The following PIEZO2 variants were observed in gnomAD, a reference collection of about 807,000 sequenced individuals.
PIEZO2 encodes piezo type mechanosensitive ion channel component 2.
Under a neutral mutation model 337.3 loss-of-function variants are expected in PIEZO2, and 172 were observed. That is an observed-to-expected ratio of 0.51 (90% confidence interval 0.45 to 0.58). The LOEUF (loss-of-function observed/expected upper bound fraction) is 0.58. Ranked by LOEUF, PIEZO2 falls within the 20% of genes least tolerant of loss-of-function variation. The pLI is 0.00. For missense variants in PIEZO2, 3,028 were observed against 3,391.3 expected, an observed-to-expected ratio of 0.89 and a Z score of 2.66; for synonymous variants, 1,251 against 1,228.5, an observed-to-expected ratio of 1.02 and a Z score of -0.38.
chr18:11,137,609 A>C (rs1176966654), intron 1 of PIEZO2, among the ~76,000 whole-genome samples: 1 of 152,106 alleles, frequency 6.6e-6, no homozygotes, highest in Admixed American at 6.5e-5. Flanking sequence ...GTTCCCTAGC[A>C]GGGGTCCGTG....
intron 44 of PIEZO2, 44 bp downstream of exon 44, chr18:10,698,881 C>T: frequency 6.5e-7 from 1 of 1,531,724 alleles, no homozygotes; most frequent in East Asian, 2.4e-5. Flanking sequence ...AACAAGGCCA[C>T]CTGGGAGCTA....
intron 5 of PIEZO2, among the ~76,000 whole-genome samples, chr18:10,865,239 G>T (rs2041974947): frequency 6.6e-6 from 1 of 152,172 alleles, no homozygotes; most frequent in Non-Finnish European, 1.5e-5. Flanking sequence ...TTTATTCTAG[G>T]TTAATGGGAA....
rs776951650 is a variant in PIEZO2 at position 10,704,445 on chromosome 18, G to C, written c.6207C>G (p.Ser2069=). The change falls in exon 42 of 56, where the codon TCC becomes TCG. Residue 2069 remains serine, a synonymous_variant. Transcript: ENST00000674853. ...PILIFLWAML[S]VPRPSRRFWM... ...AGAACCGGCGGCTGGGCCTGGGGAC[G>C]GACAACATGGCCCAGAGGAAGATGA... 3 of 1,537,086 alleles carry C rather than the reference G, an allele frequency of 2.0e-6. No homozygotes were observed. Among genetic ancestry groups the C allele is most frequent in the Admixed American group, 2.0e-5 (1 of 50,976 alleles).
rs534448540 is a variant in PIEZO2, at chr18:11,105,124, A to G, written c.65-38902T>C. On this transcript the variant is annotated intron_variant, in intron 1 of 55. Coordinates refer to ENST00000674853, the MANE Select transcript of PIEZO2 (RefSeq NM_001378183.1). This position sits in a 1 kb window ranked among gnomAD's most constrained non-coding sequence, Gnocchi z 4.3. ...AGAAAACATAGCCAAGAAATGGAGAAGGGGAGTGAGGTTTGGGTCCCAGGC... is the reference window on the plus strand; with the variant it reads ...AGAAAACATAGCCAAGAAATGGAGAGGGGGAGTGAGGTTTGGGTCCCAGGC... Among the ~76,000 whole-genome samples the G allele has an allele frequency of 6.6e-6, 1 of 152,342 alleles. No individual in the cohort carries two copies. Among genetic ancestry groups the G allele is most frequent in the Non-Finnish European group, 1.5e-5 (1 of 68,026 alleles).
At chr18:10,790,944 T>A (rs1296348117) in intron 14 of PIEZO2, among the ~76,000 whole-genome samples, 1 of 152,178 alleles carries the variant, frequency 6.6e-6, no homozygotes, top group African/African-American at 2.4e-5. Flanking sequence ...GACCTCGGGA[T>A]CCGCCCACCT....
chr18:10,884,091 G>A (rs919879898), intron 4 of PIEZO2, among the ~76,000 whole-genome samples: 7 of 152,134 alleles, frequency 4.6e-5, no homozygotes, highest in South Asian at 2.1e-4. Context: ...GATTACAGGC[G>A]TAAGCCACCG....
intron 4 of PIEZO2, among the ~76,000 whole-genome samples, chr18:10,891,530 G>A (rs2042755858): frequency 6.6e-6 from 1 of 152,160 alleles, no homozygotes; most frequent in Non-Finnish European, 1.5e-5. Flanking sequence ...ACCGCTTGAT[G>A]CAGACACTAG....
chr18:10,793,646 G>A (rs2039485061), intron 13 of PIEZO2, among the ~76,000 whole-genome samples: 1 of 152,154 alleles, frequency 6.6e-6, no homozygotes, highest in African/African-American at 2.4e-5. Flanking sequence ...ATGTGTGTGT[G>A]GGTCTGTGTT....
At chr18:11,068,574 C>T (rs1430498414) in intron 1 of PIEZO2, among the ~76,000 whole-genome samples, 1 of 151,202 alleles carries the variant, frequency 6.6e-6, no homozygotes, top group South Asian at 2.1e-4. Context: ...TAAATGCTTA[C>T]ATAAAAAAAA....
Position 11,066,137 on chromosome 18 carries a change from C to A in PIEZO2, c.150G>T (p.Thr50=). 1.3e-6 allele frequency: 2 copies of A among 1,532,860 alleles called. No individual in the cohort carries two copies. The highest frequency in any genetic ancestry group is 2.4e-5 in the South Asian group (2 of 83,932). 95.0% of individuals were successfully genotyped at this position (1,532,860 alleles called of 1,614,324 possible). A position where few individuals can be genotyped will look rare whatever the true frequency, so the allele number is the denominator to read the frequency against. Residue 50 remains threonine (T), a synonymous_variant, in exon 2 of 56, where the codon ACG becomes ACT. Coordinates refer to ENST00000674853, the MANE Select transcript of PIEZO2 (RefSeq NM_001378183.1). ...ACAAAATTCTCTTACCTTGCATCGT[C>A]GTTTTTGTTGGTTCTGAGAACAGAG... is the stretch of plus-strand genomic sequence containing the variant. The part of the protein sequence containing the change: ...LIPLFSEPTK[T]TMQGHTGRLL...
chr18:11,000,531 C>A (rs1276115496), intron 2 of PIEZO2, among the ~76,000 whole-genome samples: 1 of 152,146 alleles, frequency 6.6e-6, no homozygotes, highest in Non-Finnish European at 1.5e-5. Context: ...AGGACAGGGA[C>A]CTGCCAGCAT....
At chr18:10,711,495 A>G (rs897145080) in intron 39 of PIEZO2, among the ~76,000 whole-genome samples, 1 of 152,158 alleles carries the variant, frequency 6.6e-6, no homozygotes, top group African/African-American at 2.4e-5. Context: ...GCTTCATGAA[A>G]TTTCAAAAGA....
chr18:10,958,756 A>G (rs114066507), intron 3 of PIEZO2, among the ~76,000 whole-genome samples: 1,846 of 152,278 alleles, frequency 0.012, 41 homozygotes, highest in African/African-American at 0.042. Flanking sequence ...AAATGCATTC[A>G]TGTACTTCGG....
intron 2 of PIEZO2, among the ~76,000 whole-genome samples, chr18:11,039,257 C>T (rs1201941804): frequency 1.3e-5 from 2 of 152,206 alleles, no homozygotes; most frequent in East Asian, 1.9e-4. Flanking sequence ...CAGAAGATAA[C>T]ACACATGCAT....
chr18:10,907,164 T>C (rs940262207), intron 4 of PIEZO2, among the ~76,000 whole-genome samples: 3 of 152,164 alleles, frequency 2.0e-5, no homozygotes, highest in Middle Eastern at 3.2e-3. Flanking sequence ...AAAGATGGTC[T>C]GAGCATGGTG....
rs2038997472 is a variant in PIEZO2 at position 10,781,930 on chromosome 18, TC to T, written c.2493-1565del. The stretch of plus-strand genomic sequence containing the variant: ...AGAGAAAGCAAAGCCTGACAGTCAA[TC>T]CTAACTCTCAAAATATTCCTTTTTC... On this transcript the variant is annotated intron_variant, in intron 17 of 55. Coordinates refer to ENST00000674853, the MANE Select transcript of PIEZO2 (RefSeq NM_001378183.1). This position sits in a 1 kb window ranked among gnomAD's most constrained non-coding sequence, Gnocchi z 4.1. Among the ~76,000 whole-genome samples, 3 of 152,090 alleles carry T rather than the reference TC, an allele frequency of 2.0e-5. No individual in the cohort carries two copies. The East Asian group carries it at 5.8e-4, about 29-fold the overall frequency.
rs1214390989 is a variant in PIEZO2 at position 11,083,761 on chromosome 18, G to A, written c.65-17539C>T. On this transcript the variant is annotated intron_variant, in intron 1 of 55. Coordinates refer to ENST00000674853, the MANE Select transcript of PIEZO2 (RefSeq NM_001378183.1). The surrounding 1 kb of genome is among the most constrained non-coding windows in gnomAD (Gnocchi z 4.4). The stretch of plus-strand genomic sequence containing the variant: ...ATCGGTAGGCTCTCCGAGGCTAGAG[G>A]CACAACTAAGGTTCAAGGAACAGGA... 6.6e-6 allele frequency among the ~76,000 whole-genome samples: 1 copy of A among 152,224 alleles called. No individual in the cohort carries two copies. Among genetic ancestry groups the A allele is most frequent in the Non-Finnish European group, 1.5e-5 (1 of 68,048 alleles).
In PIEZO2 at chr18:10,794,710, G is replaced by A. The variant is rs1389270949; in HGVS notation, c.1758+62C>T. The A allele has an allele frequency of 1.2e-5, 15 of 1,231,054 alleles. No individual in the cohort carries two copies. Among genetic ancestry groups the A allele is most frequent in the Non-Finnish European group, 1.2e-5 (11 of 901,734 alleles). 76.3% of individuals were successfully genotyped at this position (1,231,054 alleles called of 1,614,324 possible). A position where few individuals can be genotyped will look rare whatever the true frequency, so the allele number is the denominator to read the frequency against. On this transcript the variant is annotated intron_variant, in intron 13 of 55. Coordinates refer to ENST00000674853, the MANE Select transcript of PIEZO2 (RefSeq NM_001378183.1). This position sits in a 1 kb window ranked among gnomAD's most constrained non-coding sequence, Gnocchi z 6.6. ...TTTTTATAAGGTTTCTCTTGGATAC[G>A]ATTATGATGATGATTGTGGTTTTGT... is the stretch of plus-strand genomic sequence containing the variant.
intron 3 of PIEZO2, among the ~76,000 whole-genome samples, chr18:10,947,511 A>G (rs573491035): frequency 3.1e-4 from 47 of 152,372 alleles, no homozygotes; most frequent in Non-Finnish European, 6.3e-4. Context: ...TGAAGGCCAA[A>G]AACTACTTTC....
Sources: gnomAD v4.1 joint callset for allele counts (sites outside exome capture counted in the v4.1 genomes callset) on GRCh38, gnomAD v4.1.1 for gene constraint, Gnocchi (gnomAD v3.1) non-coding constraint, MANE v1.5 for transcripts, NCBI Gene and HGNC (gene_info 2026-07-23, HGNC 2026-07-21) for gene names.